The following SCMH1 variants were observed in gnomAD, a reference collection of about 807,000 sequenced individuals.
The protein encoded by SCMH1 is polycomb protein SCMH1.
Under a neutral mutation model 70.8 loss-of-function variants are expected in SCMH1, and 37 were observed. The observed-to-expected ratio is 0.52, with a 90% CI of 0.40 to 0.69. The LOEUF is 0.69. Ranked by LOEUF, SCMH1 falls within the 30% of genes least tolerant of loss-of-function variation. SCMH1 has a pLI of 0.00. For missense variants in SCMH1, 607 were observed against 827.3 expected (o/e 0.73, Z 3.27); for synonymous variants, 292 against 307.4 (o/e 0.95, Z 0.52).
rs551660395 is a variant in SCMH1, at chr1:41,234,537, G to A, written c.-118+7522C>T. Among the ~76,000 whole-genome samples, 15 of 126,152 alleles carry A rather than the reference G, an allele frequency of 1.2e-4. No individual in the cohort carries two copies. The East Asian group carries it at 1.7e-3, about 15-fold the overall frequency. 82.8% of individuals were successfully genotyped at this position (126,152 alleles called of 152,430 possible). A position where few individuals can be genotyped will look rare whatever the true frequency, so the allele number is the denominator to read the frequency against. ...GGCTGGAGTGCAGTGGCACAATCTCGGCTCACTGCAAGCTCCGCCTCCCGC... is the reference window on the plus strand; with the variant it reads ...GGCTGGAGTGCAGTGGCACAATCTCAGCTCACTGCAAGCTCCGCCTCCCGC... On this transcript the variant is annotated intron_variant, in intron 1 of 14. Transcript: ENST00000337495.
At chr1:41,205,235 G>A (rs34216154) in intron 1 of SCMH1, among the ~76,000 whole-genome samples, 16,454 of 152,200 alleles carry the variant, frequency 0.11, 1,267 homozygotes, top group East Asian at 0.27. Flanking sequence ...GAAGCATGAC[G>A]GGGCATCACC....
intron 6 of SCMH1, among the ~76,000 whole-genome samples, chr1:41,129,641 T>A (rs1241934576): frequency 1.3e-5 from 2 of 152,204 alleles, no homozygotes; most frequent in African/African-American, 4.8e-5. Flanking sequence ...CATTCTTCCA[T>A]CAACAGACAC....
At chr1:41,107,911 T>A (rs1413877422) in intron 8 of SCMH1, among the ~76,000 whole-genome samples, 1 of 152,340 alleles carries the variant, frequency 6.6e-6, no homozygotes, top group Middle Eastern at 3.4e-3. Flanking sequence ...AAGAGAACAT[T>A]CTTTAAGTAT....
intron 6 of SCMH1, among the ~76,000 whole-genome samples, chr1:41,135,596 C>T (rs1643164612): frequency 6.6e-6 from 1 of 152,186 alleles, no homozygotes; most frequent in South Asian, 2.1e-4. Flanking sequence ...AATTAAACCT[C>T]TTCCCTTTAT....
chr1:41,225,464 G>C (rs972180031), intron 1 of SCMH1, among the ~76,000 whole-genome samples: 1 of 152,166 alleles, frequency 6.6e-6, no homozygotes, highest in South Asian at 2.1e-4. Context: ...CCCCGGGCTA[G>C]GGAATATAAA....
chr1:41,063,637 A>G (rs55704542), intron 10 of SCMH1, among the ~76,000 whole-genome samples: 3,326 of 152,326 alleles, frequency 0.022, 72 homozygotes, highest in Non-Finnish European at 0.033. Context: ...ATCAGAAATG[A>G]TAAAGGGGAC....
intron 1 of SCMH1, among the ~76,000 whole-genome samples, chr1:41,231,505 A>G (rs1409939641): frequency 6.6e-6 from 1 of 152,184 alleles, no homozygotes; most frequent in Non-Finnish European, 1.5e-5. Context: ...TTAGTATGGC[A>G]TATTTGTTAC....
At chr1:41,235,169 A>G (rs1662108251) in intron 1 of SCMH1, among the ~76,000 whole-genome samples, 1 of 152,178 alleles carries the variant, frequency 6.6e-6, no homozygotes, top group Non-Finnish European at 1.5e-5. Context: ...CAGACCTACA[A>G]AAACAGAAAT....
intron 10 of SCMH1, among the ~76,000 whole-genome samples, chr1:41,054,754 G>A (rs1649608677): frequency 1.3e-5 from 2 of 152,140 alleles, no homozygotes; most frequent in South Asian, 4.1e-4. Context: ...AGTGAACTCT[G>A]ACAGTTCAAA....
chr1:41,078,439 C>T lies in SCMH1; in HGVS notation c.746-2988G>A, dbSNP rs528339978. 7.9e-5 allele frequency among the ~76,000 whole-genome samples: 12 copies of T among 152,000 alleles called. No individual in the cohort carries two copies. The South Asian group carries it at 1.2e-3, about 16-fold the overall frequency. On this transcript the variant is annotated intron_variant, in intron 8 of 14. Coordinates refer to ENST00000337495, the Ensembl canonical transcript of SCMH1. ...CATAGCAGGAAAAATACAAAGAAAA[C>T]GATACCAAAACACATAATTGTCAAA...
At chr1:41,172,184 C>CAAAA (rs377457192) in intron 2 of SCMH1, among the ~76,000 whole-genome samples, 1 of 85,808 alleles carries the variant, frequency 1.2e-5, no homozygotes, top group Non-Finnish European at 2.3e-5. Flanking sequence ...GACTCCATCT[C>CAAAA]AAAAAAAAAA....
intron 2 of SCMH1, among the ~76,000 whole-genome samples, chr1:41,179,339 T>C (rs1261709052): frequency 3.3e-5 from 5 of 152,172 alleles, no homozygotes; most frequent in Non-Finnish European, 7.3e-5. Context: ...ATTCAAAAGT[T>C]AGCAGAAGGC....
intron 2 of SCMH1, among the ~76,000 whole-genome samples, chr1:41,164,997 C>CTT (rs1646319457): frequency 1.3e-5 from 2 of 152,108 alleles, no homozygotes; most frequent in African/African-American, 4.8e-5. Context: ...CTCCTCCTAT[C>CTT]TAACTATAAG....
intron 13 of SCMH1, among the ~76,000 whole-genome samples, chr1:41,032,844 T>G (rs1644727371): frequency 6.6e-6 from 1 of 152,066 alleles, no homozygotes; most frequent in African/African-American, 2.4e-5. Flanking sequence ...CAGGGCGTAG[T>G]GGCAGGCACC....
intron 5 of SCMH1, among the ~76,000 whole-genome samples, chr1:41,150,885 C>T (rs1232013906): frequency 3.0e-5 from 4 of 134,370 alleles, no homozygotes; most frequent in South Asian, 2.3e-4. Flanking sequence ...TGCATTAAGC[C>T]GAGATTGCGC....
chr1:41,057,756 G>A (rs986699033), intron 10 of SCMH1, among the ~76,000 whole-genome samples: 3 of 152,038 alleles, frequency 2.0e-5, no homozygotes, highest in South Asian at 2.1e-4. Context: ...AAGAACAGAT[G>A]GGCAGTGTAA....
At chr1:41,049,310 A>ATATGTGTG (rs5773722) in intron 10 of SCMH1, among the ~76,000 whole-genome samples, 3 of 149,894 alleles carry the variant, frequency 2.0e-5, no homozygotes, top group Non-Finnish European at 3.0e-5. Context: ...GCAAGGGCAT[A>ATATGTGTG]TGTGTGTGTG....
intron 4 of SCMH1, chr1:41,159,755 G>A: frequency 6.5e-7 from 1 of 1,530,378 alleles, no homozygotes; most frequent in Non-Finnish European, 8.8e-7. Flanking sequence ...CATTTCTTCA[G>A]CTCACATTCA....
At chr1:41,175,248 T>C (rs1204916682) in intron 2 of SCMH1, among the ~76,000 whole-genome samples, 1 of 151,852 alleles carries the variant, frequency 6.6e-6, no homozygotes, top group Non-Finnish European at 1.5e-5. Context: ...GAAGGAAGAG[T>C]GAATTATCTC....
Sources: gnomAD v4.1 joint callset for allele counts (sites outside exome capture counted in the v4.1 genomes callset) on GRCh38, gnomAD v4.1.1 for gene constraint, MANE v1.5 for transcripts, NCBI Gene and HGNC (gene_info 2026-07-23, HGNC 2026-07-21) for gene names.